TECPR2: variants seen among roughly 807,000 people sequenced by gnomAD.
TECPR2 encodes the protein tectonin beta-propeller repeat containing 2, also known as tectonin beta-propeller repeat-containing protein 2.
In TECPR2, 65 loss-of-function variants were observed where a neutral mutation model predicts 138.1. The ratio of observed to expected loss-of-function variants is 0.47; its 90% CI spans 0.39 to 0.58. The LOEUF is 0.58. Ranked by LOEUF, TECPR2 falls within the 20% of genes least tolerant of loss-of-function variation. The pLI is 0.00. For missense variants in TECPR2, 1,553 were observed against 1,824.5 expected (o/e 0.85, Z 2.71); for synonymous variants, 746 against 749.8 (o/e 0.99, Z 0.08).
chr14:102,444,217 A>T, intron 12 of TECPR2, among the ~76,000 whole-genome samples: 1 of 146,178 alleles, frequency 6.8e-6, no homozygotes. Context: ...TTTTTGATAC[A>T]GGTTCTCACT....
At position 102,498,523 on chromosome 14, in the gene TECPR2, C is replaced by A; in HGVS notation, c.*266C>A. On this transcript the variant is annotated 3_prime_UTR_variant, in exon 20 of 20. Transcript: ENST00000359520. ...TGCCCGGCTGCATGCACTCCGATTACCCACGTGCTGCCGTCCTGGTCTCAT... is the reference window on the plus strand; with the variant it reads ...TGCCCGGCTGCATGCACTCCGATTAACCACGTGCTGCCGTCCTGGTCTCAT... The A allele has an allele frequency of 1.8e-6, 1 of 540,594 alleles. No individual in the cohort carries two copies. Among genetic ancestry groups the A allele is most frequent in the Non-Finnish European group, 3.3e-6 (1 of 300,000 alleles). 33.5% of individuals were successfully genotyped at this position (540,594 alleles called of 1,614,324 possible).
intron 16 of TECPR2, among the ~76,000 whole-genome samples, chr14:102,457,745 G>T (rs995488135): frequency 2.0e-5 from 3 of 152,092 alleles, no homozygotes; most frequent in African/African-American, 7.2e-5. Flanking sequence ...CAACAGTAGG[G>T]GGTGCACACA....
intron 5 of TECPR2, among the ~76,000 whole-genome samples, chr14:102,423,040 G>T (rs1299109204): frequency 6.6e-5 from 10 of 152,180 alleles, no homozygotes; most frequent in Non-Finnish European, 1.5e-4. Context: ...ACAGTGTTAA[G>T]TACAGTCATA....
chr14:102,374,429 A>G (rs1442644273), intron 1 of TECPR2, among the ~76,000 whole-genome samples: 1 of 152,100 alleles, frequency 6.6e-6, no homozygotes, highest in African/African-American at 2.4e-5. Context: ...GTGCAGTGAC[A>G]CAGTCATAGC....
intron 2 of TECPR2, among the ~76,000 whole-genome samples, chr14:102,404,527 G>C (rs543222251): frequency 1.1e-3 from 164 of 151,842 alleles, no homozygotes; most frequent in Non-Finnish European, 2.1e-3. Flanking sequence ...TAGACATAGA[G>C]ACCGATGAAA....
intron 2 of TECPR2, among the ~76,000 whole-genome samples, chr14:102,386,719 T>C (rs1243697840): frequency 1.3e-5 from 2 of 152,182 alleles, no homozygotes; most frequent in South Asian, 2.1e-4. Context: ...TTGGTACATA[T>C]TACACGCATA....
rs570773081 is a variant in TECPR2, at chr14:102,371,511, C to G, written c.-72-5139C>G. Among the ~76,000 whole-genome samples, 157 of 152,280 alleles carry G rather than the reference C, an allele frequency of 1.0e-3. 1 individual carries two copies. The highest frequency in any genetic ancestry group is 3.7e-3 in the African/African-American group (155 of 41,556). ...CAGATAGGGAAATAGCATGGATTCT[C>G]TTCTGCCCGCTGGGGACTTCTTGGG... On this transcript the variant is annotated intron_variant, in intron 1 of 19. Transcript: ENST00000359520.
At chr14:102,431,284 T>C (rs1320890431) in intron 7 of TECPR2, among the ~76,000 whole-genome samples, 1 of 151,620 alleles carries the variant, frequency 6.6e-6, no homozygotes, top group Non-Finnish European at 1.5e-5. Flanking sequence ...ATGAGCTTCT[T>C]GAAGAACAAA....
intron 4 of TECPR2, among the ~76,000 whole-genome samples, chr14:102,410,709 A>G (rs968305193): frequency 1.3e-5 from 2 of 152,262 alleles, no homozygotes; most frequent in Admixed American, 6.5e-5. Context: ...CCCTCAAAAA[A>G]AAAAAACTTG....
chr14:102,436,651 T>G (rs1315130471), intron 9 of TECPR2, among the ~76,000 whole-genome samples: 1 of 152,198 alleles, frequency 6.6e-6, no homozygotes, highest in East Asian at 1.9e-4. Flanking sequence ...CATCCGGCAT[T>G]TATCTTTTCA....
intron 1 of TECPR2, among the ~76,000 whole-genome samples, chr14:102,374,873 C>T (rs1220653163): frequency 6.6e-6 from 1 of 152,156 alleles, no homozygotes; most frequent in Non-Finnish European, 1.5e-5. Context: ...GCAACAAATA[C>T]TTGCTGAATG....
chr14:102,414,247 C>A (rs966374176), intron 4 of TECPR2, among the ~76,000 whole-genome samples: 6 of 152,122 alleles, frequency 3.9e-5, no homozygotes, highest in African/African-American at 1.4e-4. Context: ...ATAAGCAATA[C>A]ACACAGTGCA....
intron 17 of TECPR2, among the ~76,000 whole-genome samples, chr14:102,473,202 A>C (rs1307384844): frequency 6.6e-6 from 1 of 152,268 alleles, no homozygotes; most frequent in Non-Finnish European, 1.5e-5. Flanking sequence ...GCCAGGACCA[A>C]CTGCAGGATG....
At chr14:102,464,212 G>A (rs922036533) in intron 16 of TECPR2, among the ~76,000 whole-genome samples, 3 of 152,178 alleles carry the variant, frequency 2.0e-5, no homozygotes, top group Admixed American at 2.0e-4. Flanking sequence ...ATGAAGACCT[G>A]GCTGACAGCC....
chr14:102,408,263 A>G (rs893333582), intron 3 of TECPR2, among the ~76,000 whole-genome samples: 1 of 151,994 alleles, frequency 6.6e-6, no homozygotes, highest in Non-Finnish European at 1.5e-5. Flanking sequence ...CATAAAGTAC[A>G]TGTGGGTCAT....
At chr14:102,431,468 A>G (rs890875676) in intron 7 of TECPR2, among the ~76,000 whole-genome samples, 20 of 149,980 alleles carry the variant, frequency 1.3e-4, no homozygotes, top group East Asian at 1.2e-3. Flanking sequence ...TCAGCCTCCC[A>G]AGTAGCTGGG....
intron 17 of TECPR2, among the ~76,000 whole-genome samples, chr14:102,487,821 G>A (rs1891065693): frequency 1.3e-5 from 2 of 150,236 alleles, no homozygotes; most frequent in African/African-American, 4.9e-5. Flanking sequence ...GATTACAGGC[G>A]TGAGCCACCA....
chr14:102,472,122 A>G (rs556202581), intron 17 of TECPR2, among the ~76,000 whole-genome samples: 20 of 152,296 alleles, frequency 1.3e-4, no homozygotes, highest in Admixed American at 1.2e-3. Flanking sequence ...TCCTTTTCCC[A>G]GCAAGCCAGA....
intron 9 of TECPR2, 73 bp downstream of exon 9, chr14:102,435,284 A>G (rs894123615): frequency 2.3e-5 from 35 of 1,497,098 alleles, no homozygotes; most frequent in South Asian, 1.2e-4. Context: ...AAGACTGATT[A>G]TTTTCCTTCT....
Sources: gnomAD v4.1 joint callset for allele counts (sites outside exome capture counted in the v4.1 genomes callset) on GRCh38, gnomAD v4.1.1 for gene constraint, MANE v1.5 for transcripts, NCBI Gene and HGNC (gene_info 2026-07-23, HGNC 2026-07-21) for gene names.